Variants in PDE12 observed in about 807,000 individuals in gnomAD.
The protein encoded by PDE12 is 2',5'-phosphodiesterase 12.
Under a neutral mutation model 45.4 loss-of-function variants are expected in PDE12, and 26 were observed. The observed-to-expected ratio is 0.57, with a 90% CI of 0.42 to 0.79. The LOEUF is 0.79. PDE12 is among the 30% of genes least tolerant of loss of function. PDE12 has a pLI of 0.00. For missense variants in PDE12, 668 were observed against 790.0 expected (o/e 0.85, Z 1.85); for synonymous variants, 283 against 323.9 (o/e 0.87, Z 1.36).
chr3:57,588,323 G>A, the PDE12 span, among the ~76,000 whole-genome samples: 1 of 152,206 alleles, frequency 6.6e-6, no homozygotes, highest in Non-Finnish European at 1.5e-5. Context: ...CTAGCACTTT[G>A]GGAGGCTGAG....
At chr3:57,585,665 CTTT>C in the PDE12 span, among the ~76,000 whole-genome samples, 1 of 137,076 alleles carries the variant, frequency 7.3e-6, no homozygotes, top group Non-Finnish European at 1.5e-5. Flanking sequence ...TATCTAAATT[CTTT>C]TTTTTTTTTT....
At position 57,556,356 on chromosome 3, in the gene PDE12, G is replaced by C. The variant is rs1057211234; in HGVS notation, c.-24G>C. On this transcript the variant is annotated 5_prime_UTR_variant, in exon 1 of 3. Transcript: ENST00000311180. This position sits in a 1 kb window ranked among gnomAD's most constrained non-coding sequence, Gnocchi z 5.0. ...AGGCCGCTGATCGGCCGCGGGTCTT[G>C]TCGACCGCTAGGCCACCAGGTTCAT... 7 of 1,534,882 alleles carry C rather than the reference G, an allele frequency of 4.6e-6. No individual in the cohort carries two copies. The highest frequency in any genetic ancestry group is 6.1e-6 in the Non-Finnish European group (7 of 1,139,352).
the PDE12 span, among the ~76,000 whole-genome samples, chr3:57,623,249 A>G: frequency 6.6e-6 from 1 of 152,144 alleles, no homozygotes; most frequent in East Asian, 1.9e-4. Context: ...CATCTCTACA[A>G]AACAACAACA....
chr3:57,617,931 A>C, the PDE12 span, among the ~76,000 whole-genome samples: 1 of 152,032 alleles, frequency 6.6e-6, no homozygotes, highest in Non-Finnish European at 1.5e-5. Context: ...GTACATATAC[A>C]CCAAGGAATA....
the PDE12 span, among the ~76,000 whole-genome samples, chr3:57,613,166 A>C: frequency 6.6e-6 from 1 of 150,576 alleles, no homozygotes; most frequent in Non-Finnish European, 1.5e-5. Flanking sequence ...ATTTTAGTAG[A>C]GATGGGGTTT....
At chr3:57,590,133 A>AAAT in the PDE12 span, among the ~76,000 whole-genome samples, 3 of 139,606 alleles carry the variant, frequency 2.1e-5, no homozygotes, top group African/African-American at 5.2e-5. Flanking sequence ...ATAAATAAAT[A>AAAT]AAACAAAAAA....
chr3:57,634,434 CAAAA>C, the PDE12 span: 2,246 of 278,660 alleles, frequency 8.1e-3, no homozygotes, highest in South Asian at 0.016. Flanking sequence ...CTCTGTCTCC[CAAAA>C]AAAAAAAAAA....
In PDE12 at chr3:57,560,159, G is replaced by A; in HGVS notation, c.*155G>A. 7.1e-7 allele frequency: 1 copy of A among 1,407,376 alleles called. No individual in the cohort carries two copies. Among genetic ancestry groups the A allele is most frequent in the Non-Finnish European group, 9.2e-7 (1 of 1,086,330 alleles). 87.2% of individuals were successfully genotyped at this position (1,407,376 alleles called of 1,614,324 possible). A position where few individuals can be genotyped will look rare whatever the true frequency, so the allele number is the denominator to read the frequency against. Reference sequence around the variant, plus strand: ...CTGATGTCTTCGTTATGAAACTGTTGATGTTTGCATCATACATCTTCTCTT... The same window carrying A: ...CTGATGTCTTCGTTATGAAACTGTTAATGTTTGCATCATACATCTTCTCTT... On this transcript the variant is annotated 3_prime_UTR_variant, in exon 3 of 3. Coordinates refer to ENST00000311180, the MANE Select transcript of PDE12 (RefSeq NM_177966.7).
the PDE12 span, among the ~76,000 whole-genome samples, chr3:57,609,368 C>T: frequency 6.6e-6 from 1 of 151,950 alleles, no homozygotes; most frequent in African/African-American, 2.4e-5. Flanking sequence ...TAACAGAAGG[C>T]AAGAAATAAC....
chr3:57,598,857 T>C, the PDE12 span, among the ~76,000 whole-genome samples: 12 of 152,138 alleles, frequency 7.9e-5, no homozygotes, highest in African/African-American at 2.7e-4. Context: ...TGGAGATACA[T>C]GTAAAGAGTT....
the PDE12 span, chr3:57,626,318 A>G: frequency 1.3e-5 from 2 of 152,514 alleles, no homozygotes; most frequent in African/African-American, 4.8e-5. Context: ...TTCTGAAGCC[A>G]TATCCTTTAC....
rs1044358118 is a variant in PDE12 at position 57,563,362 on chromosome 3, A to G, written c.*3358A>G. ...ACTAACTTTCTTTTTTTCTTTTTTTATTATTATACTTTAAGTTCTAGTGTA... is the reference window on the plus strand; with the variant it reads ...ACTAACTTTCTTTTTTTCTTTTTTTGTTATTATACTTTAAGTTCTAGTGTA... On this transcript the variant is annotated 3_prime_UTR_variant, in exon 3 of 3. Transcript: ENST00000311180. 5.3e-5 allele frequency: 8 copies of G among 151,734 alleles called. No homozygotes were observed. Among genetic ancestry groups the G allele is most frequent in the South Asian group, 2.1e-4 (1 of 4,820 alleles). The allele number at this position is 151,734 out of a possible 1,614,324, so 9.4% of individuals were successfully genotyped here. A position where few individuals can be genotyped will look rare whatever the true frequency, so the allele number is the denominator to read the frequency against.
At chr3:57,618,433 T>C in the PDE12 span, among the ~76,000 whole-genome samples, 1 of 152,072 alleles carries the variant, frequency 6.6e-6, no homozygotes, top group Admixed American at 6.6e-5. Flanking sequence ...TTTGTTTGTT[T>C]GTTTTTTGAG....
At chr3:57,633,129 G>A in the PDE12 span, 1 of 700,920 alleles carries the variant, frequency 1.4e-6, no homozygotes, top group African/African-American at 1.8e-5. Context: ...TCTTGCAAAG[G>A]GGTTTATTTT....
chr3:57,635,200 G>GGTTTTGTTTTGTTTT, the PDE12 span, among the ~76,000 whole-genome samples: 25 of 151,340 alleles, frequency 1.7e-4, no homozygotes, highest in African/African-American at 5.6e-4. Flanking sequence ...GGGTTTGTGG[G>GGTTTTGTTTTGTTTT]GTTTTGTTTT....
chr3:57,633,943 T>C, the PDE12 span, among the ~76,000 whole-genome samples: 1 of 152,022 alleles, frequency 6.6e-6, no homozygotes, highest in Non-Finnish European at 1.5e-5. Flanking sequence ...TTATATTTGC[T>C]ATACTATACT....
the PDE12 span, among the ~76,000 whole-genome samples, chr3:57,602,671 A>G: frequency 1.3e-5 from 2 of 151,968 alleles, no homozygotes; most frequent in Non-Finnish European, 2.9e-5. Flanking sequence ...CCTGGGTTCA[A>G]GCGATTCTCC....
the PDE12 span, chr3:57,646,266 A>G: frequency 5.7e-6 from 9 of 1,577,594 alleles, no homozygotes; most frequent in Non-Finnish European, 4.3e-6. Context: ...CAGGTTAAGT[A>G]CTGCAGCATC....
downstream of PDE12, among the ~76,000 whole-genome samples, chr3:57,570,219 GTTTTT>G (rs34599005): frequency 2.0e-5 from 2 of 102,326 alleles, no homozygotes; most frequent in African/African-American, 3.9e-5. Flanking sequence ...TTAATCCAGT[GTTTTT>G]TTTTTTTTTT....
Sources: gnomAD v4.1 joint callset for allele counts (sites outside exome capture counted in the v4.1 genomes callset) on GRCh38, gnomAD v4.1.1 for gene constraint, Gnocchi (gnomAD v3.1) non-coding constraint, MANE v1.5 for transcripts, NCBI Gene and HGNC (gene_info 2026-07-23, HGNC 2026-07-21) for gene names.